Variants in PRR5L observed in about 807,000 individuals in gnomAD.
The protein encoded by PRR5L is proline rich 5 like.
A neutral mutation model predicts 36.4 loss-of-function variants in PRR5L; 21 were observed. That is an observed-to-expected ratio of 0.58 (90% CI 0.41 to 0.83). PRR5L has a LOEUF of 0.83. Ranked by LOEUF, PRR5L falls within the 40% of genes least tolerant of loss-of-function variation. PRR5L has a pLI of 0.00. For missense variants in PRR5L, 381 were observed against 473.3 expected (o/e 0.80, Z 1.81); for synonymous variants, 188 against 197.0 (o/e 0.95, Z 0.38).
intron 1 of PRR5L, among the ~76,000 whole-genome samples, chr11:36,370,382 G>A (rs771201807): frequency 3.9e-5 from 6 of 152,006 alleles, no homozygotes; most frequent in Non-Finnish European, 7.4e-5. Flanking sequence ...TGTCCTCTTC[G>A]TAGCACACAT....
intron 1 of PRR5L, among the ~76,000 whole-genome samples, chr11:36,352,343 C>A (rs1252914879): frequency 1.4e-5 from 2 of 140,954 alleles, no homozygotes; most frequent in African/African-American, 4.9e-5. Context: ...TGGACATTAG[C>A]CCTTTTTCAG....
At chr11:36,454,408 T>A (rs1030096785) in intron 8 of PRR5L, among the ~76,000 whole-genome samples, 6 of 152,140 alleles carry the variant, frequency 3.9e-5, no homozygotes, top group African/African-American at 9.7e-5. Context: ...GTAAAAGGTT[T>A]ATTTTGCCTG....
intron 1 of PRR5L, among the ~76,000 whole-genome samples, chr11:36,389,145 G>A (rs893218699): frequency 6.6e-6 from 1 of 151,352 alleles, no homozygotes; most frequent in Non-Finnish European, 1.5e-5. Flanking sequence ...TGTTACATAA[G>A]CCACTTGACG....
intron 8 of PRR5L, among the ~76,000 whole-genome samples, chr11:36,456,786 G>A (rs771689294): frequency 1.3e-5 from 2 of 152,224 alleles, no homozygotes; most frequent in East Asian, 3.8e-4. Flanking sequence ...CTAAGAACTC[G>A]TGCCCCTGAC....
At chr11:36,329,102 T>C (rs1856693709) in intron 1 of PRR5L, 1 of 152,210 alleles carries the variant, frequency 6.6e-6, no homozygotes, top group Admixed American at 6.5e-5. Flanking sequence ...TCATTTTTTT[T>C]CTTTTTTTCT....
chr11:36,316,501 A>G (rs1856558942), intron 1 of PRR5L, among the ~76,000 whole-genome samples: 1 of 152,104 alleles, frequency 6.6e-6, no homozygotes, highest in South Asian at 2.1e-4. Context: ...GGGCTTGGGA[A>G]GTGGGAAGTG....
chr11:36,300,378 G>A (rs1415105576), intron 1 of PRR5L, among the ~76,000 whole-genome samples: 2 of 152,036 alleles, frequency 1.3e-5, no homozygotes, highest in Non-Finnish European at 2.9e-5. Context: ...AACTTACAGG[G>A]TAAGAACTCA....
At chr11:36,381,605 T>C (rs1857368584) in intron 1 of PRR5L, 1 of 152,014 alleles carries the variant, frequency 6.6e-6, no homozygotes, top group Non-Finnish European at 1.5e-5. Context: ...TAATTCTAAA[T>C]ACTTCTCTGG....
At chr11:36,310,192 C>G (rs190779289) in intron 1 of PRR5L, among the ~76,000 whole-genome samples, 3 of 152,294 alleles carry the variant, frequency 2.0e-5, no homozygotes, top group African/African-American at 7.2e-5. Context: ...CAGTGAATAA[C>G]AATAAGTACG....
At chr11:36,324,282 C>T (rs1334953150) in intron 1 of PRR5L, among the ~76,000 whole-genome samples, 1 of 151,974 alleles carries the variant, frequency 6.6e-6, no homozygotes, top group Non-Finnish European at 1.5e-5. Flanking sequence ...GTTCCAGAAG[C>T]CAGACCCAAA....
chr11:36,365,653 TC>T (rs1346193276), intron 1 of PRR5L, among the ~76,000 whole-genome samples: 2 of 152,156 alleles, frequency 1.3e-5, no homozygotes, highest in East Asian at 3.9e-4. Context: ...CCCTTCCCCT[TC>T]TTGGGGAACA....
intron 8 of PRR5L, among the ~76,000 whole-genome samples, chr11:36,453,669 C>T (rs1382733240): frequency 6.6e-6 from 1 of 152,142 alleles, no homozygotes; most frequent in Non-Finnish European, 1.5e-5. Flanking sequence ...CCAGAGCACA[C>T]AGCCCAGGGA....
intron 1 of PRR5L, among the ~76,000 whole-genome samples, chr11:36,392,855 G>C (rs527238576): frequency 2.0e-5 from 3 of 152,216 alleles, no homozygotes; most frequent in Admixed American, 2.0e-4. Flanking sequence ...CTCCTACCAG[G>C]TCCCTCTCCT....
At chr11:36,394,950 A>G (rs1028946988) in intron 1 of PRR5L, among the ~76,000 whole-genome samples, 2 of 152,176 alleles carry the variant, frequency 1.3e-5, no homozygotes, top group Non-Finnish European at 2.9e-5. Flanking sequence ...GCTCTGAGTG[A>G]TACACATTTG....
chr11:36,352,689 C>A (rs1447991864), intron 1 of PRR5L, among the ~76,000 whole-genome samples: 1 of 152,124 alleles, frequency 6.6e-6, no homozygotes, highest in Non-Finnish European at 1.5e-5. Flanking sequence ...CAGTGCTAAT[C>A]CCAGGTTACA....
At chr11:36,323,245 G>A (rs1856630003) in intron 1 of PRR5L, 1 of 152,234 alleles carries the variant, frequency 6.6e-6, no homozygotes, top group African/African-American at 2.4e-5. Context: ...ATAAAGAGTG[G>A]TGAGAGGTAG....
intron 1 of PRR5L, among the ~76,000 whole-genome samples, chr11:36,331,727 A>T (rs1856721142): frequency 6.6e-6 from 1 of 152,248 alleles, no homozygotes; most frequent in African/African-American, 2.4e-5. Context: ...TTGACCATGA[A>T]TTAAACTGTG....
chr11:36,299,620 C>T (rs1454008279), intron 1 of PRR5L, among the ~76,000 whole-genome samples: 3 of 152,166 alleles, frequency 2.0e-5, no homozygotes, highest in Non-Finnish European at 4.4e-5. Context: ...AATAGCATCT[C>T]ATTTAGTTTT....
chr11:36,339,466 G>A (rs1590456706), intron 1 of PRR5L, among the ~76,000 whole-genome samples: 1 of 152,192 alleles, frequency 6.6e-6, no homozygotes, highest in Non-Finnish European at 1.5e-5. Flanking sequence ...AGGAATAAAA[G>A]CTGACACTTA....
Sources: gnomAD v4.1 joint callset for allele counts (sites outside exome capture counted in the v4.1 genomes callset) on GRCh38, gnomAD v4.1.1 for gene constraint, MANE v1.5 for transcripts, NCBI Gene and HGNC (gene_info 2026-07-23, HGNC 2026-07-21) for gene names.